The following PLAAT1 variants were observed in gnomAD, a reference collection of about 807,000 sequenced individuals.
The protein encoded by PLAAT1 is phospholipase A and acyltransferase 1.
A neutral mutation model predicts 16.4 loss-of-function variants in PLAAT1; 13 were observed. The ratio of observed to expected loss-of-function variants is 0.79; its 90% CI spans 0.52 to 1.26. PLAAT1 has a LOEUF of 1.26. Among genes scored for constraint, PLAAT1 ranks in the 50% most tolerant of loss-of-function variants. The pLI is 0.00. For missense variants in PLAAT1, 218 were observed against 207.8 expected (o/e 1.05, Z -0.30); for synonymous variants, 73 against 78.4 (o/e 0.93, Z 0.36).
At chr3:193,246,019 T>G (rs79324001) in intron 1 of PLAAT1, among the ~76,000 whole-genome samples, 4,250 of 152,334 alleles carry the variant, frequency 0.028, 86 homozygotes, top group Middle Eastern at 0.075. Flanking sequence ...AGAAATACAC[T>G]TCTTCCATTC....
chr3:193,244,347 C>T (rs1395183367), intron 1 of PLAAT1, among the ~76,000 whole-genome samples: 1 of 152,116 alleles, frequency 6.6e-6, no homozygotes, highest in African/African-American at 2.4e-5. Context: ...CACATTCCCA[C>T]CAGCAGTGAA....
At chr3:193,266,871 G>C (rs1372068170) in intron 3 of PLAAT1, among the ~76,000 whole-genome samples, 1 of 151,992 alleles carries the variant, frequency 6.6e-6, no homozygotes, top group Non-Finnish European at 1.5e-5. Flanking sequence ...GCTAATATTA[G>C]ATTAGTTTTT....
downstream of PLAAT1, among the ~76,000 whole-genome samples, chr3:193,275,475 G>C (rs945918888): frequency 1.3e-5 from 2 of 152,146 alleles, no homozygotes; most frequent in African/African-American, 2.4e-5. Flanking sequence ...AGAAGCTAGA[G>C]GGTGCTTGTT....
intron 1 of PLAAT1, among the ~76,000 whole-genome samples, chr3:193,250,842 C>A (rs937781762): frequency 1.3e-5 from 2 of 152,080 alleles, no homozygotes; most frequent in Non-Finnish European, 2.9e-5. Context: ...CTATCCCCCC[C>A]ACCCCCGCAC....
At chr3:193,241,712 C>T (rs918755790) in intron 1 of PLAAT1, among the ~76,000 whole-genome samples, 179 bp downstream of exon 1, 1 of 152,182 alleles carries the variant, frequency 6.6e-6, no homozygotes, top group African/African-American at 2.4e-5. Flanking sequence ...CCCTAGGTTA[C>T]ACAGCTATTA....
At chr3:193,251,166 T>C (rs984026997) in intron 1 of PLAAT1, among the ~76,000 whole-genome samples, 2 of 152,118 alleles carry the variant, frequency 1.3e-5, no homozygotes, top group Non-Finnish European at 2.9e-5. Flanking sequence ...ATCCCCCAGC[T>C]TCACTCTCAT....
At chr3:193,274,663 C>T (rs1034520534), downstream of PLAAT1, 1 of 190,990 alleles carries the variant, frequency 5.2e-6, no homozygotes, top group Non-Finnish European at 1.1e-5. Context: ...TTTAAGTAAA[C>T]TTGTGACAAC....
In PLAAT1 at chr3:193,241,529, G is replaced by C; in HGVS notation, c.-5G>C. On this transcript the variant is annotated 5_prime_UTR_variant, in exon 1 of 4. Coordinates refer to ENST00000264735, the MANE Select transcript of PLAAT1 (RefSeq NM_020386.5). Reference sequence around the variant, plus strand: ...GCGAGAAGAAGACCCCGGCTTGAGAGTGAGGTGTGCTGGGCGGAGTGGGGG... The same window carrying C: ...GCGAGAAGAAGACCCCGGCTTGAGACTGAGGTGTGCTGGGCGGAGTGGGGG... 1.6e-6 allele frequency: 2 copies of C among 1,232,018 alleles called. No individual in the cohort carries two copies. The highest frequency in any genetic ancestry group is 2.0e-6 in the Non-Finnish European group (2 of 988,188). 76.3% of individuals were successfully genotyped at this position (1,232,018 alleles called of 1,614,324 possible). A position where few individuals can be genotyped will look rare whatever the true frequency, so the allele number is the denominator to read the frequency against.
At chr3:193,251,202 G>A (rs900483086) in intron 1 of PLAAT1, among the ~76,000 whole-genome samples, 1 of 152,124 alleles carries the variant, frequency 6.6e-6, no homozygotes, top group African/African-American at 2.4e-5. Context: ...TTTATCTCAG[G>A]AGCAAACCAG....
rs114502706 is a variant in PLAAT1 at position 193,267,631 on chromosome 3, C to T, written c.406-2973C>T. On this transcript the variant is annotated intron_variant, in intron 3 of 3. Coordinates refer to ENST00000264735, the MANE Select transcript of PLAAT1 (RefSeq NM_020386.5). ...CACCCACTGAAGGACGTCTTGGTTGCTTCGAAGTTTTGGCAATTATGAATA... is the reference window on the plus strand; with the variant it reads ...CACCCACTGAAGGACGTCTTGGTTGTTTCGAAGTTTTGGCAATTATGAATA... Among the ~76,000 whole-genome samples, 931 of 152,294 alleles carry T rather than the reference C, an allele frequency of 6.1e-3. 8 individuals are homozygous for T. Among genetic ancestry groups the T allele is most frequent in the African/African-American group, 0.021 (873 of 41,568 alleles).
At chr3:193,262,884 T>C in intron 2 of PLAAT1, 86 bp from the exon 3 acceptor site, 1 of 1,352,914 alleles carries the variant, frequency 7.4e-7, no homozygotes, top group African/African-American at 1.4e-5. Flanking sequence ...GGTTTAGACA[T>C]GCCAGCATTT....
intron 3 of PLAAT1, among the ~76,000 whole-genome samples, chr3:193,264,521 T>TC (rs991229716): frequency 1.3e-5 from 2 of 151,744 alleles, no homozygotes; most frequent in African/African-American, 4.8e-5. Flanking sequence ...CTTTTTTTTT[T>TC]TAGATGGAGC....
intron 1 of PLAAT1, among the ~76,000 whole-genome samples, chr3:193,255,281 G>T (rs1430240081): frequency 6.6e-6 from 1 of 151,938 alleles, no homozygotes; most frequent in Admixed American, 6.6e-5. Context: ...ATCCTAAATA[G>T]ACCATTTTTT....
In PLAAT1 at chr3:193,241,246, A is replaced by C; in HGVS notation, c.-288A>C. On this transcript the variant is annotated 5_prime_UTR_variant, in exon 1 of 4. Coordinates refer to ENST00000264735, the MANE Select transcript of PLAAT1 (RefSeq NM_020386.5). ...GGTCAGAGCCTCGTGCCGGCTCGGC[A>C]GCGCCCGGACGCCGAGCCCAGCGCG... is the stretch of plus-strand genomic sequence containing the variant. 1 of 1,226,054 alleles carries C rather than the reference A, an allele frequency of 8.2e-7. No individual in the cohort carries two copies. Among genetic ancestry groups the C allele is most frequent in the Non-Finnish European group, 1.0e-6 (1 of 984,458 alleles). The allele number at this position is 1,226,054 out of a possible 1,614,324, so 75.9% of individuals were successfully genotyped here.
At chr3:193,266,345 G>C (rs911524600) in intron 3 of PLAAT1, among the ~76,000 whole-genome samples, 4 of 152,026 alleles carry the variant, frequency 2.6e-5, no homozygotes, top group Non-Finnish European at 4.4e-5. Context: ...TTACAAATAA[G>C]CAAATTTTTT....
chr3:193,245,950 G>C (rs1715966856), intron 1 of PLAAT1, among the ~76,000 whole-genome samples: 1 of 152,206 alleles, frequency 6.6e-6, no homozygotes, highest in Non-Finnish European at 1.5e-5. Flanking sequence ...CAAATGTGCA[G>C]TTTACAAATG....
downstream of PLAAT1, chr3:193,275,371 C>T: frequency 6.5e-7 from 1 of 1,549,376 alleles, no homozygotes. Flanking sequence ...CGCTGGCCAC[C>T]ACAGCCACCT....
In PLAAT1 at chr3:193,255,654, G is replaced by A. The variant is rs1444621002; in HGVS notation, c.4G>A (p.Ala2Thr). Reference protein sequence around the residue: MAFNDCFSLNYP... With the variant: MTFNDCFSLNYP... The stretch of plus-strand genomic sequence containing the variant: ...TTCTTTGTATTTGTCATTGCAGATG[G>A]CGTTTAATGATTGCTTCAGTTTGAA... The change falls in exon 2 of 4, where the codon GCG becomes ACG. Residue 2 changes from alanine (A) to threonine (T), a missense_variant. Coordinates refer to ENST00000264735, the MANE Select transcript of PLAAT1 (RefSeq NM_020386.5). 6.9e-6 allele frequency: 11 copies of A among 1,605,418 alleles called. No homozygotes were observed. In the South Asian group the frequency reaches 1.1e-4, roughly 16 times the overall value.
chr3:193,256,777 T>G (rs945582230), intron 2 of PLAAT1, among the ~76,000 whole-genome samples: 3 of 152,178 alleles, frequency 2.0e-5, no homozygotes, highest in African/African-American at 7.2e-5. Context: ...GGGGAAATAT[T>G]TAGAGATGTA....
Sources: allele counts gnomAD v4.1 joint callset (sites outside exome capture counted in the v4.1 genomes callset), GRCh38; gene constraint gnomAD v4.1.1; transcripts MANE v1.5; gene names NCBI Gene and HGNC (gene_info 2026-07-23, HGNC 2026-07-21).